The following SLC12A4 variants were observed in gnomAD, a reference collection of about 807,000 sequenced individuals.
The protein encoded by SLC12A4 is electroneutral potassium-chloride cotransporter 1.
Under a neutral mutation model 119.2 loss-of-function variants are expected in SLC12A4, and 84 were observed. The observed-to-expected ratio is 0.70, with a 90% CI of 0.59 to 0.85. SLC12A4 has a LOEUF of 0.85. SLC12A4 is among the 40% of genes least tolerant of loss of function. SLC12A4 has a pLI of 0.00. For synonymous variants in SLC12A4, 599 were observed against 604.6 expected, an observed-to-expected ratio of 0.99 and a Z score of 0.14; for missense variants, 1,298 against 1,476.3, an observed-to-expected ratio of 0.88 and a Z score of 1.98.
intron 14 of SLC12A4, 68 bp from the exon 15 acceptor site, chr16:67,947,856 C>T: frequency 2.0e-6 from 3 of 1,527,412 alleles, no homozygotes; most frequent in Non-Finnish European, 2.6e-6. Context: ...CTGGCCCATG[C>T]CCTGGTAGCC....
At chr16:67,962,248 A>G (rs894401006) in intron 2 of SLC12A4, 5 of 152,446 alleles carry the variant, frequency 3.3e-5, no homozygotes, top group African/African-American at 7.2e-5. Flanking sequence ...ACCCACATCA[A>G]TCGCGGAGAT....
chr16:67,954,592 A>C, intron 6 of SLC12A4, 51 bp downstream of exon 6: 1 of 1,609,758 alleles, frequency 6.2e-7, no homozygotes, highest in Non-Finnish European at 8.5e-7. Context: ...TTGGAGTCCA[A>C]AGGGACTGTT....
intron 13 of SLC12A4, among the ~76,000 whole-genome samples, chr16:67,948,802 A>AC (rs2058381064): frequency 1.3e-5 from 2 of 152,116 alleles, no homozygotes; most frequent in Non-Finnish European, 2.9e-5. Context: ...TGGCTGTGGC[A>AC]AAACAGTTTC....
chr16:67,952,953 C>T (rs1400447780), intron 6 of SLC12A4, among the ~76,000 whole-genome samples: 1 of 151,348 alleles, frequency 6.6e-6, no homozygotes, highest in East Asian at 1.9e-4. Flanking sequence ...GGTGCAAAAA[C>T]TGGTAGTAGT....
At position 67,951,527 on chromosome 16, in the gene SLC12A4, C is replaced by T; in HGVS notation, c.1133-223G>A. 1.6e-6 allele frequency: 1 copy of T among 613,496 alleles called. No homozygotes were observed. Among genetic ancestry groups the T allele is most frequent in the Non-Finnish European group, 2.8e-6 (1 of 351,042 alleles). 38.0% of individuals were successfully genotyped at this position (613,496 alleles called of 1,614,324 possible). On this transcript the variant is annotated intron_variant, in intron 8 of 23. Transcript: ENST00000316341. This position sits in a 1 kb window ranked among gnomAD's most constrained non-coding sequence, Gnocchi z 5.2. ...TGGCTGAACCACCGTCACCCAGAGC[C>T]CGCCACTGCCCGCCTTCCACAGAGG...
Position 67,943,632 on chromosome 16 carries a change from G to T in SLC12A4, c.*1208C>A. The stretch of plus-strand genomic sequence containing the variant: ...TCCTTGGTGGGTGGGGGCCAAGGAA[G>T]GAGTGGTGGGGCTTGGCCCAGAGTC... On this transcript the variant is annotated 3_prime_UTR_variant, in exon 24 of 24. Transcript: ENST00000316341. This position sits in a 1 kb window ranked among gnomAD's most constrained non-coding sequence, Gnocchi z 4.6. 1.9e-6 allele frequency: 1 copy of T among 518,510 alleles called. No individual in the cohort carries two copies. The highest frequency in any genetic ancestry group is 3.3e-5 in the Admixed American group (1 of 30,492). 32.1% of individuals were successfully genotyped at this position (518,510 alleles called of 1,614,324 possible). A position where few individuals can be genotyped will look rare whatever the true frequency, so the allele number is the denominator to read the frequency against.
At chr16:67,947,821 G>C in intron 14 of SLC12A4, 33 bp from the exon 15 acceptor site, 1 of 1,558,320 alleles carries the variant, frequency 6.4e-7, no homozygotes, top group Non-Finnish European at 8.7e-7. Flanking sequence ...GTCAGGGCAG[G>C]ACCAGGAGGA....
intron 7 of SLC12A4, 35 bp from the exon 8 acceptor site, chr16:67,952,072 T>C: frequency 6.2e-7 from 1 of 1,609,014 alleles, no homozygotes; most frequent in South Asian, 1.1e-5. Context: ...CCTGCTCAGG[T>C]CAAAGCCCCT....
intron 2 of SLC12A4, chr16:67,963,127 G>A (rs1024141411): frequency 4.0e-4 from 68 of 169,352 alleles, no homozygotes; most frequent in Non-Finnish European, 6.5e-4. Context: ...ATGGGAGAGC[G>A]AAGAACCATG....
intron 3 of SLC12A4, 110 bp downstream of exon 3, chr16:67,961,465 T>C: frequency 6.8e-7 from 1 of 1,476,104 alleles, no homozygotes; most frequent in Non-Finnish European, 9.2e-7. Context: ...TCACTATGCT[T>C]GGCACCCACT....
rs773582166 is a variant in SLC12A4, at chr16:67,946,106, G to C, written c.2608-24C>G. ...ACCTGAGGCAAGGGACCAGGTGGGC[G>C]GTTTGGTCACAGCTGCTCCTCCAAG... is the stretch of plus-strand genomic sequence containing the variant. On this transcript the variant is annotated intron_variant, in intron 19 of 23. Coordinates refer to ENST00000316341, the MANE Select transcript of SLC12A4 (RefSeq NM_005072.5). 28 of 1,612,720 alleles carry C rather than the reference G, an allele frequency of 1.7e-5. 1 individual carries two copies. Among genetic ancestry groups the C allele is most frequent in the Admixed American group, 1.0e-4 (6 of 59,986 alleles).
chr16:67,964,133 G>A (rs1246969867), intron 1 of SLC12A4: 1 of 1,482,740 alleles, frequency 6.7e-7, no homozygotes, highest in Non-Finnish European at 9.0e-7. Context: ...AGGCCGTGGA[G>A]AGCGGAAGTG....
chr16:67,961,645 T>C lies in SLC12A4; in HGVS notation c.272A>G (p.Asn91Ser). The C allele has an allele frequency of 2.5e-6, 4 of 1,614,096 alleles. No homozygotes were observed. In the African/African-American group the frequency reaches 4.0e-5, roughly 16 times the overall value. The change falls in exon 3 of 24, where the codon AAC becomes AGC. Residue 91 changes from asparagine to serine, a missense_variant. Transcript: ENST00000316341. ...SLLGKLVSYT[N>S]LTQGAKEHEE... ...ATGCTCTTTGGCGCCCTGGGTGAGGTTGGTGTAGCTGACGAGCTTTCCCAG... is the reference window on the plus strand; with the variant it reads ...ATGCTCTTTGGCGCCCTGGGTGAGGCTGGTGTAGCTGACGAGCTTTCCCAG...
Position 67,945,882 on chromosome 16 carries a change from G to T in SLC12A4, c.2740-11C>A, listed in dbSNP as rs1266105638. The T allele has an allele frequency of 6.2e-7, 1 of 1,613,678 alleles. No individual in the cohort carries two copies. The highest frequency in any genetic ancestry group is 2.2e-5 in the East Asian group (1 of 44,896). ...GATGTCACTGTTATGCTGGGGACAG[G>T]GTTGGCCGTGAGGACCCAGCTGCAC... On this transcript the variant is annotated splice_polypyrimidine_tract_variant and intron_variant, in intron 20 of 23. Transcript: ENST00000316341.
chr16:67,967,339 G>A (rs1042975602), intron 1 of SLC12A4, among the ~76,000 whole-genome samples: 1 of 152,184 alleles, frequency 6.6e-6, no homozygotes, highest in Non-Finnish European at 1.5e-5. Context: ...TCTCCATCAT[G>A]ATCGGTCACA....
chr16:67,951,578 C>G lies in SLC12A4; in HGVS notation c.1132+245G>C. ...CCTTTATGGATCCTGTGGGAACATC[C>G]CCAGGCAGTGTCAGGGGCTGGTGGC... On this transcript the variant is annotated intron_variant, in intron 8 of 23. Coordinates refer to ENST00000316341, the MANE Select transcript of SLC12A4 (RefSeq NM_005072.5). The surrounding 1 kb of genome is among the most constrained non-coding windows in gnomAD (Gnocchi z 5.2). 1.6e-6 allele frequency: 1 copy of G among 610,382 alleles called. No individual in the cohort carries two copies. The highest frequency in any genetic ancestry group is 2.9e-6 in the Non-Finnish European group (1 of 347,122). 37.8% of individuals were successfully genotyped at this position (610,382 alleles called of 1,614,324 possible).
chr16:67,954,588 T>C, intron 6 of SLC12A4, 55 bp downstream of exon 6: 1 of 1,606,122 alleles, frequency 6.2e-7, no homozygotes, highest in Non-Finnish European at 8.5e-7. Flanking sequence ...CTGTTTGGAG[T>C]CCAAAGGGAC....
chr16:67,964,146 T>C, intron 1 of SLC12A4: 1 of 1,460,912 alleles, frequency 6.8e-7, no homozygotes, highest in Non-Finnish European at 9.1e-7. Context: ...CGGAAGTGGA[T>C]TCCAGGAGCC....
rs1331040316 is a variant in SLC12A4, at chr16:67,950,013, C to A, written c.1630-95G>T. On this transcript the variant is annotated intron_variant, in intron 12 of 23. Transcript: ENST00000316341. This position sits in a 1 kb window ranked among gnomAD's most constrained non-coding sequence, Gnocchi z 4.3. Reference sequence around the variant, plus strand: ...TGGCCTCCCTCACCCCCAGGGCCCGCCTTGGGGGCTCAGGCCGCCCCTGTG... The same window carrying A: ...TGGCCTCCCTCACCCCCAGGGCCCGACTTGGGGGCTCAGGCCGCCCCTGTG... The A allele has an allele frequency of 1.0e-6, 1 of 991,476 alleles. No individual in the cohort carries two copies. The highest frequency in any genetic ancestry group is 1.6e-5 in the African/African-American group (1 of 61,220). The allele number at this position is 991,476 out of a possible 1,614,324, so 61.4% of individuals were successfully genotyped here. A position where few individuals can be genotyped will look rare whatever the true frequency, so the allele number is the denominator to read the frequency against.
Sources: allele counts gnomAD v4.1 joint callset (sites outside exome capture counted in the v4.1 genomes callset), GRCh38; gene constraint gnomAD v4.1.1; non-coding constraint Gnocchi (gnomAD v3.1); transcripts MANE v1.5; gene names NCBI Gene and HGNC (gene_info 2026-07-23, HGNC 2026-07-21).